Variants in KIR3DL3 observed in about 807,000 individuals in gnomAD.
The protein encoded by KIR3DL3 is killer cell immunoglobulin like receptor, three Ig domains and long cytoplasmic tail 3, also known as killer cell immunoglobulin-like receptor 3DL3.
KIR3DL3 carries 27 observed loss-of-function variants against 34.9 expected under a neutral mutation model. The ratio of observed to expected loss-of-function variants is 0.77; its 90% CI spans 0.57 to 1.07. KIR3DL3 has a LOEUF of 1.07. Ranked by LOEUF, KIR3DL3 falls within the 50% of genes least tolerant of loss-of-function variation. The pLI is 0.00. For synonymous variants in KIR3DL3, 217 were observed against 200.2 expected (o/e 1.08, Z -0.71); for missense variants, 681 against 528.5 (o/e 1.29, Z -2.83).
rs374765040 is a variant in KIR3DL3 at position 54,735,745 on chromosome 19, A to T, written c.1055-75A>T. ...TCAGGCACCTATGGCCTCCCCCTGT[A>T]TGTTGGTATCTGCTTATGAAATGAG... On this transcript the variant is annotated intron_variant, in intron 6 of 7. Transcript: ENST00000291860. 169 of 1,530,108 alleles carry T rather than the reference A, an allele frequency of 1.1e-4. 1 individual carries two copies. Among genetic ancestry groups the T allele is most frequent in the East Asian group, 2.5e-4 (11 of 44,646 alleles). The allele number at this position is 1,530,108 out of a possible 1,614,324, so 94.8% of individuals were successfully genotyped here.
chr19:54,735,166 G>A, intron 5 of KIR3DL3, 87 bp from the exon 6 acceptor site: 1 of 1,057,282 alleles, frequency 9.5e-7, no homozygotes, highest in Non-Finnish European at 1.5e-6. Context: ...CGTTGTATGT[G>A]GTTACCTGTC....
intron 4 of KIR3DL3, 37 bp downstream of exon 4, chr19:54,727,947 G>A (rs2068386127): frequency 4.5e-6 from 7 of 1,565,338 alleles, no homozygotes; most frequent in Non-Finnish European, 6.1e-6. Flanking sequence ...CCCTTGCTGG[G>A]AGATGGAGTG....
chr19:54,725,707 C>T (rs1370122997), intron 2 of KIR3DL3, among the ~76,000 whole-genome samples: 1 of 152,144 alleles, frequency 6.6e-6, no homozygotes, highest in Non-Finnish European at 1.5e-5. Context: ...ACAGTCATGA[C>T]CCTGACATTC....
intron 3 of KIR3DL3, among the ~76,000 whole-genome samples, chr19:54,727,408 G>T (rs1279766762): frequency 7.4e-6 from 1 of 135,448 alleles, no homozygotes; most frequent in South Asian, 2.5e-4. Context: ...GGGAATCAGG[G>T]CTACTAGAGA....
intron 5 of KIR3DL3, among the ~76,000 whole-genome samples, chr19:54,733,114 A>G (rs2069008475): frequency 6.6e-6 from 1 of 152,142 alleles, no homozygotes; most frequent in South Asian, 2.1e-4. Flanking sequence ...GATTTTTCCT[A>G]GTAGTTTAAT....
At chr19:54,727,403 T>G in intron 3 of KIR3DL3, among the ~76,000 whole-genome samples, 1 of 131,994 alleles carries the variant, frequency 7.6e-6, no homozygotes, top group Non-Finnish European at 1.6e-5. Flanking sequence ...GGGAAGGGAA[T>G]CAGGGCTACT....
rs757339918 is a variant in KIR3DL3 at position 54,731,392 on chromosome 19, C to A, written c.949+1606C>A. On this transcript the variant is annotated intron_variant, in intron 5 of 7. Transcript: ENST00000291860. ...ATTCGTATCAGCAGTGTACCAGATG[C>A]AACCCTGGTTGACTCAGCAGAGCAA... is the stretch of plus-strand genomic sequence containing the variant. Among the ~76,000 whole-genome samples the A allele has an allele frequency of 3.9e-3, 596 of 151,508 alleles. 6 individuals carry two copies. Among genetic ancestry groups the A allele is most frequent in the Middle Eastern group, 0.031 (9 of 294 alleles).
intron 3 of KIR3DL3, among the ~76,000 whole-genome samples, chr19:54,726,543 T>C (rs1455102793): frequency 6.8e-6 from 1 of 146,198 alleles, no homozygotes. Context: ...CCTGTGACTA[T>C]TTATGTTATA....
At chr19:54,729,224 ATCAAG>A (rs1433846346) in intron 4 of KIR3DL3, among the ~76,000 whole-genome samples, 1 of 151,542 alleles carries the variant, frequency 6.6e-6, no homozygotes, top group Non-Finnish European at 1.5e-5. Context: ...AAAGAGGAAG[ATCAAG>A]TCAACCAGTC....
chr19:54,732,815 G>A (rs2068967855), intron 5 of KIR3DL3, among the ~76,000 whole-genome samples: 2 of 152,182 alleles, frequency 1.3e-5, no homozygotes, highest in Admixed American at 6.5e-5. Context: ...GAGAGATGGA[G>A]AGCACACTGG....
At chr19:54,728,705 A>G (rs1475985206) in intron 4 of KIR3DL3, among the ~76,000 whole-genome samples, 5 of 151,728 alleles carry the variant, frequency 3.3e-5, no homozygotes, top group Admixed American at 6.6e-5. Context: ...GAAAAGCCCT[A>G]AAATCAGAGC....
In KIR3DL3 at chr19:54,724,541, GA is replaced by G; in HGVS notation, c.34+13del. 6.2e-7 allele frequency: 1 copy of G among 1,612,680 alleles called. No individual in the cohort carries two copies. The highest frequency in any genetic ancestry group is 8.5e-7 in the Non-Finnish European group (1 of 1,179,880). ...GCATGGCGTGTGTTGGTGAGTCCTGGAAGGGAATCGAGGGAGGGAGCGCTGG... is the reference window on the plus strand; with the variant it reads ...GCATGGCGTGTGTTGGTGAGTCCTGGAGGGAATCGAGGGAGGGAGCGCTGG... On this transcript the variant is annotated intron_variant, in intron 1 of 7. Coordinates refer to ENST00000291860, the MANE Select transcript of KIR3DL3 (RefSeq NM_153443.5).
intron 5 of KIR3DL3, among the ~76,000 whole-genome samples, chr19:54,732,064 G>A (rs112397732): frequency 2.0e-4 from 30 of 152,056 alleles, no homozygotes; most frequent in Non-Finnish European, 3.1e-4. Flanking sequence ...TGGGGGTGGG[G>A]CAGCATTCTC....
rs1287332333 is a variant in KIR3DL3, at chr19:54,736,424, A to C, written c.*328A>C. On this transcript the variant is annotated 3_prime_UTR_variant, in exon 8 of 8. Transcript: ENST00000291860. ...CCCACCTCTCCAACCTAACTGGCTT[A>C]CTTCCTAGTCTACTTGAGGCTGCGA... is the stretch of plus-strand genomic sequence containing the variant. 2.2e-6 allele frequency: 1 copy of C among 445,510 alleles called. No individual in the cohort carries two copies. The allele number at this position is 445,510 out of a possible 1,614,324, so 27.6% of individuals were successfully genotyped here.
intron 3 of KIR3DL3, 132 bp downstream of exon 3, chr19:54,726,469 G>C: frequency 1.7e-6 from 2 of 1,185,788 alleles, no homozygotes; most frequent in Non-Finnish European, 2.3e-6. Flanking sequence ...TCAGTACAGA[G>C]AAATAGTTGC....
chr19:54,725,137 A>G (rs1248885781), intron 1 of KIR3DL3, 110 bp from the exon 2 acceptor site: 932 of 92,906 alleles, frequency 0.01, 76 homozygotes, highest in African/African-American at 0.042. Flanking sequence ...GTGGAGATAT[A>G]GGCCTGGAGT....
Position 54,729,577 on chromosome 19 carries a change from G to T in KIR3DL3, c.740G>T (p.Arg247Leu). The T allele has an allele frequency of 2.5e-6, 4 of 1,606,688 alleles. No homozygotes were observed. The highest frequency in any genetic ancestry group is 3.4e-6 in the Non-Finnish European group (4 of 1,178,280). Residue 247 changes from arginine to leucine, a missense_variant, in exon 5 of 8, where the codon CGG becomes CTG. Transcript: ENST00000291860. ...GENVTLSCSS[R>L]SLFDIYHLSR... ...AATGTGACCTTGTCCTGCAGCTCCC[G>T]GAGCTTGTTTGACATTTACCATCTA... is the stretch of plus-strand genomic sequence containing the variant.
At chr19:54,735,147 C>T (rs1315410137) in intron 5 of KIR3DL3, 106 bp from the exon 6 acceptor site, 2 of 916,070 alleles carry the variant, frequency 2.2e-6, no homozygotes, top group African/African-American at 3.3e-5. Flanking sequence ...GGTGCTTGTC[C>T]TAAAGAGACG....
At chr19:54,734,722 G>T (rs10412815) in intron 5 of KIR3DL3, among the ~76,000 whole-genome samples, 8,887 of 146,726 alleles carry the variant, frequency 0.061, 366 homozygotes, top group African/African-American at 0.12. Context: ...AGGCTGTACT[G>T]GAAGCATGGC....
Sources: gnomAD v4.1 joint callset for allele counts (sites outside exome capture counted in the v4.1 genomes callset) on GRCh38, gnomAD v4.1.1 for gene constraint, MANE v1.5 for transcripts, NCBI Gene and HGNC (gene_info 2026-07-23, HGNC 2026-07-21) for gene names.